EYS: variants seen among roughly 807,000 people sequenced by gnomAD.
EYS encodes the protein EGF-like photoreceptor maintenance factor.
EYS carries 250 observed loss-of-function variants against 282.1 expected under a neutral mutation model. That is an observed-to-expected ratio of 0.89 (90% CI 0.80 to 0.98). The LOEUF is 0.98. EYS is among the 50% of genes least tolerant of loss of function. EYS has a pLI of 0.00. For missense variants in EYS, 4,016 were observed against 3,709.0 expected, an observed-to-expected ratio of 1.08 and a Z score of -2.15; for synonymous variants, 1,355 against 1,282.9, an observed-to-expected ratio of 1.06 and a Z score of -1.20.
chr6:64,264,657 C>T (rs961775323), intron 30 of EYS, among the ~76,000 whole-genome samples: 1 of 152,070 alleles, frequency 6.6e-6, no homozygotes, highest in African/African-American at 2.4e-5. Context: ...TGCCTGTAAT[C>T]CCAGCACTTT....
intron 1 of EYS, among the ~76,000 whole-genome samples, chr6:65,669,253 T>A (rs946544340): frequency 6.6e-6 from 1 of 151,940 alleles, no homozygotes; most frequent in Non-Finnish European, 1.5e-5. Flanking sequence ...CATTGGTGAA[T>A]CCTCATATAT....
chr6:64,876,084 G>A (rs964101160), intron 19 of EYS, among the ~76,000 whole-genome samples: 3 of 151,840 alleles, frequency 2.0e-5, no homozygotes, highest in African/African-American at 7.3e-5. Flanking sequence ...TAAATTTTGT[G>A]TTTTACTTCA....
At chr6:63,878,534 G>A (rs1365850584) in intron 35 of EYS, among the ~76,000 whole-genome samples, 2 of 152,248 alleles carry the variant, frequency 1.3e-5, no homozygotes, top group African/African-American at 4.8e-5. Context: ...GTCTGTAGAA[G>A]TTTCTGCTGC....
At chr6:65,615,992 T>C (rs1462358264) in intron 2 of EYS, among the ~76,000 whole-genome samples, 1 of 150,376 alleles carries the variant, frequency 6.6e-6, no homozygotes, top group Non-Finnish European at 1.5e-5. Flanking sequence ...CACAAATTAA[T>C]TTGATGTGAA....
intron 33 of EYS, among the ~76,000 whole-genome samples, chr6:64,052,579 T>C (rs906213077): frequency 3.9e-5 from 6 of 152,158 alleles, no homozygotes; most frequent in Non-Finnish European, 8.8e-5. Flanking sequence ...AAACAGTACT[T>C]ACCAATTATA....
chr6:65,363,203 T>C (rs1764782082), intron 8 of EYS, among the ~76,000 whole-genome samples: 1 of 103,894 alleles, frequency 9.6e-6, no homozygotes, highest in Non-Finnish European at 2.1e-5. Context: ...AACTCTTTTT[T>C]TTTGCAGTTA....
chr6:65,330,765 G>C (rs908278615), intron 11 of EYS: 3 of 961,320 alleles, frequency 3.1e-6, no homozygotes, highest in Non-Finnish European at 2.5e-6. Context: ...AAATCACAAA[G>C]ATATTTTTCT....
At chr6:64,810,573 CTT>C (rs1044562961) in intron 22 of EYS, among the ~76,000 whole-genome samples, 5 of 152,086 alleles carry the variant, frequency 3.3e-5, no homozygotes, top group Admixed American at 3.3e-4. Context: ...GTAGCACAGT[CTT>C]TACCTTTTTT....
intron 33 of EYS, among the ~76,000 whole-genome samples, chr6:64,026,017 T>C (rs79906215): frequency 0.037 from 5,613 of 152,256 alleles, 337 homozygotes; most frequent in African/African-American, 0.13. Flanking sequence ...AATGCCTCAG[T>C]AGGGACTACT....
chr6:64,744,635 T>A (rs987744611), intron 22 of EYS, among the ~76,000 whole-genome samples: 1 of 152,208 alleles, frequency 6.6e-6, no homozygotes. Flanking sequence ...AAAACATGTA[T>A]GTGTACCAAA....
At chr6:65,278,988 A>C (rs1768142954) in intron 12 of EYS, among the ~76,000 whole-genome samples, 1 of 152,206 alleles carries the variant, frequency 6.6e-6, no homozygotes, top group Middle Eastern at 3.4e-3. Flanking sequence ...CAGGAGTTTG[A>C]GAACAGGCTG....
intron 35 of EYS, among the ~76,000 whole-genome samples, chr6:63,875,592 G>A (rs748578179): frequency 9.9e-5 from 15 of 152,190 alleles, no homozygotes; most frequent in Admixed American, 2.6e-4. Flanking sequence ...TTGTGATTCC[G>A]TCTGGTCCTG....
At chr6:64,763,872 T>G (rs546258417) in intron 22 of EYS, among the ~76,000 whole-genome samples, 11 of 152,266 alleles carry the variant, frequency 7.2e-5, no homozygotes, top group Admixed American at 1.3e-4. Context: ...CAAAACCCAG[T>G]TGGGCAGTCA....
intron 12 of EYS, among the ~76,000 whole-genome samples, chr6:65,224,408 A>G (rs1429239179): frequency 6.6e-6 from 1 of 152,214 alleles, no homozygotes. Flanking sequence ...AGACTGCGGT[A>G]AAGGAGTACT....
chr6:64,961,409 T>C (rs529662815), intron 14 of EYS, among the ~76,000 whole-genome samples: 1 of 152,238 alleles, frequency 6.6e-6, no homozygotes, highest in South Asian at 2.1e-4. Context: ...CATCTAACTG[T>C]AGTGAACAGG....
chr6:64,543,380 T>C (rs983761991), intron 26 of EYS, among the ~76,000 whole-genome samples: 2 of 152,092 alleles, frequency 1.3e-5, no homozygotes, highest in African/African-American at 2.4e-5. Flanking sequence ...TTTGCCTATA[T>C]TGTAGTTAAA....
intron 26 of EYS, among the ~76,000 whole-genome samples, chr6:64,522,989 C>G (rs1777803669): frequency 6.6e-6 from 1 of 150,534 alleles, no homozygotes; most frequent in Non-Finnish European, 1.5e-5. Context: ...TTTCTTTTGT[C>G]TTTTCAAAAG....
At chr6:65,062,077 T>C (rs1400338585) in intron 12 of EYS, among the ~76,000 whole-genome samples, 3 of 151,922 alleles carry the variant, frequency 2.0e-5, no homozygotes, top group Non-Finnish European at 4.4e-5. Context: ...ATCAACTGAT[T>C]TACAGAAACC....
chr6:65,489,263 A>C (rs1765932229), intron 5 of EYS: 1 of 152,152 alleles, frequency 6.6e-6, no homozygotes, highest in African/African-American at 2.4e-5. Context: ...TCTACAAAGA[A>C]CTTACAAATT....
Sources: gnomAD v4.1 joint callset for allele counts (sites outside exome capture counted in the v4.1 genomes callset) on GRCh38, gnomAD v4.1.1 for gene constraint, MANE v1.5 for transcripts, NCBI Gene and HGNC (gene_info 2026-07-23, HGNC 2026-07-21) for gene names.